SREBF1: variants seen among roughly 807,000 people sequenced by gnomAD.
SREBF1 encodes the protein sterol regulatory element-binding protein 1.
SREBF1 carries 45 observed loss-of-function variants against 100.1 expected under a neutral mutation model. The observed-to-expected ratio is 0.45, with a 90% CI of 0.35 to 0.58. SREBF1 has a LOEUF of 0.58. Among genes scored for constraint, SREBF1 ranks in the 20% least tolerant of loss-of-function variants. The pLI is 0.00. For synonymous variants in SREBF1, 657 were observed against 681.8 expected (o/e 0.96, Z 0.57); for missense variants, 1,324 against 1,539.4 (o/e 0.86, Z 2.34).
chr17:17,824,964 G>C lies in SREBF1; in HGVS notation c.92-4443C>G, dbSNP rs1346278719. 6.6e-6 allele frequency among the ~76,000 whole-genome samples: 1 copy of C among 152,086 alleles called. No individual in the cohort carries two copies. The highest frequency in any genetic ancestry group is 6.5e-5 in the Admixed American group (1 of 15,268). On this transcript the variant is annotated intron_variant, in intron 1 of 18. Transcript: ENST00000261646. This position sits in a 1 kb window ranked among gnomAD's most constrained non-coding sequence, Gnocchi z 4.2. ...CATGGCCCAACCCTCCCCTCAGCCC[G>C]CGGGTGTTCCCTCACCCCCAAAACA...
Position 17,815,303 on chromosome 17 carries a change from G to A in SREBF1, c.2410C>T (p.Leu804=), listed in dbSNP as rs1223672043. 1.2e-6 allele frequency: 2 copies of A among 1,613,626 alleles called. No homozygotes were observed. The highest frequency in any genetic ancestry group is 1.7e-6 in the Non-Finnish European group (2 of 1,179,968). ...PVDPLAQVTQ[L]FREHLLERAL... ...CGCTCTAAGAGATGTTCCCGGAATAGCTGAGTCACCTGGGCCAGGGGGTCC... is the reference window on the plus strand; with the variant it reads ...CGCTCTAAGAGATGTTCCCGGAATAACTGAGTCACCTGGGCCAGGGGGTCC... The change falls in exon 13 of 19, where the codon CTA becomes TTA. Residue 804 remains leucine (L), a synonymous_variant. Transcript: ENST00000261646.
In SREBF1 at chr17:17,812,427, C is replaced by T; in HGVS notation, c.*195G>A. 1 of 663,240 alleles carries T rather than the reference C, an allele frequency of 1.5e-6. No homozygotes were observed. The highest frequency in any genetic ancestry group is 1.9e-5 in the South Asian group (1 of 52,090). The allele number at this position is 663,240 out of a possible 1,614,324, so 41.1% of individuals were successfully genotyped here. ...ATCGGCCACCAGAGGTCAGCACCAT[C>T]ATGGCCGCCGGTCTTAGGGTCAAGA... On this transcript the variant is annotated 3_prime_UTR_variant, in exon 19 of 19. Transcript: ENST00000261646.
chr17:17,823,646 T>G lies in SREBF1; in HGVS notation c.92-3125A>C, dbSNP rs202244145. ...GCGGATTTTTGAAGCCGTTGAGCGC[T>G]GCGGCGCGCCCGCCCCGCCCCGCCC... is the stretch of plus-strand genomic sequence containing the variant. On this transcript the variant is annotated intron_variant, in intron 1 of 18. Transcript: ENST00000261646. The G allele has an allele frequency of 5.9e-5, 90 of 1,530,380 alleles. No homozygotes were observed. The South Asian group carries it at 7.6e-4, about 13-fold the overall frequency. 94.8% of individuals were successfully genotyped at this position (1,530,380 alleles called of 1,614,324 possible). A position where few individuals can be genotyped will look rare whatever the true frequency, so the allele number is the denominator to read the frequency against.
rs1039946949 is a variant in SREBF1, at chr17:17,824,279, G to C, written c.92-3758C>G. 6.6e-6 allele frequency among the ~76,000 whole-genome samples: 1 copy of C among 152,202 alleles called. No homozygotes were observed. The highest frequency in any genetic ancestry group is 6.5e-5 in the Admixed American group (1 of 15,278). On this transcript the variant is annotated intron_variant, in intron 1 of 18. Transcript: ENST00000261646. The surrounding 1 kb of genome is among the most constrained non-coding windows in gnomAD (Gnocchi z 4.2). The stretch of plus-strand genomic sequence containing the variant: ...CACCCCTCACCACAGCGGGGCTGAT[G>C]GTCTGGGATGAGGCCACTCCTGAAA...
Position 17,816,687 on chromosome 17 carries a change from C to T in SREBF1, c.1817G>A (p.Trp606Ter). 6.3e-7 allele frequency: 1 copy of T among 1,584,580 alleles called. No homozygotes were observed. The highest frequency in any genetic ancestry group is 8.6e-7 in the Non-Finnish European group (1 of 1,166,320). ...GDFAQAAQQL[W>*]LALRALGRPL... Reference sequence around the variant, plus strand: ...CCGGCCCAGTGCCCGCAGGGCCAGCCACAGCTGCTGGGCAGCCTGGGCAAA... The same window carrying T: ...CCGGCCCAGTGCCCGCAGGGCCAGCTACAGCTGCTGGGCAGCCTGGGCAAA... The change falls in exon 10 of 19, where the codon TGG (tryptophan) becomes TAG (stop). Residue 606 changes from tryptophan (W) to a stop codon, truncating the protein, a stop_gained. Transcript: ENST00000261646. LOFTEE classifies it high-confidence loss of function.
At chr17:17,822,565 C>T (rs1003270148) in intron 1 of SREBF1, among the ~76,000 whole-genome samples, 1 of 152,230 alleles carries the variant, frequency 6.6e-6, no homozygotes, top group Non-Finnish European at 1.5e-5. Flanking sequence ...TGGCTCAGCC[C>T]AGGGCCCTCT....
chr17:17,815,247 G>A lies in SREBF1; in HGVS notation c.2466C>T (p.Pro822=), dbSNP rs904688891. The A allele has an allele frequency of 1.9e-6, 3 of 1,613,530 alleles. No individual in the cohort carries two copies. The highest frequency in any genetic ancestry group is 2.5e-6 in the Non-Finnish European group (3 of 1,179,970). ...RALNCVTQPN[P]SPGSADGDKE... is the part of the protein sequence containing the mutation. Reference sequence around the variant, plus strand: ...TGTCCCCATCAGCTGACCCAGGGCTGGGGTTGGGCTGGGTCACACAGTTCA... The same window carrying A: ...TGTCCCCATCAGCTGACCCAGGGCTAGGGTTGGGCTGGGTCACACAGTTCA... The change falls in exon 13 of 19, where the codon CCC becomes CCT. Residue 822 remains proline, a synonymous_variant. Transcript: ENST00000261646.
intron 1 of SREBF1, chr17:17,823,607 C>G (rs748039234): frequency 6.2e-7 from 1 of 1,611,108 alleles, no homozygotes. Context: ...GCCGACTTCA[C>G]CTGTCAAGGC....
chr17:17,834,025 C>CAGAGAGAGAGAGAGAGAGAGAG (rs113396102), intron 1 of SREBF1, among the ~76,000 whole-genome samples: 52 of 147,604 alleles, frequency 3.5e-4, no homozygotes, highest in African/African-American at 1.2e-3. Flanking sequence ...CATATAAACA[C>CAGAGAGAGAGAGAGAGAGAGAG]ACAGAGAGAG....
Position 17,811,490 on chromosome 17 carries a change from A to G in SREBF1, c.*1132T>C, listed in dbSNP as rs1598104491. ...TGGATTCCGACCAGATTCAGCTGGGAGCCGGGCCAGGCTTTAGGTTGGGGA... is the reference window on the plus strand; with the variant it reads ...TGGATTCCGACCAGATTCAGCTGGGGGCCGGGCCAGGCTTTAGGTTGGGGA... On this transcript the variant is annotated 3_prime_UTR_variant, in exon 19 of 19. Coordinates refer to ENST00000261646, the MANE Select transcript of SREBF1 (RefSeq NM_004176.5). The G allele has an allele frequency of 1.4e-5, 3 of 214,210 alleles. No homozygotes were observed. The highest frequency in any genetic ancestry group is 3.6e-5 in the South Asian group (1 of 27,710). 13.3% of individuals were successfully genotyped at this position (214,210 alleles called of 1,614,324 possible).
At chr17:17,827,760 C>T (rs1425165003) in intron 1 of SREBF1, among the ~76,000 whole-genome samples, 2 of 152,180 alleles carry the variant, frequency 1.3e-5, no homozygotes, top group Admixed American at 1.3e-4. Context: ...CCCCATTCTG[C>T]GGCCCCAGAG....
At chr17:17,825,708 A>C (rs1310490008) in intron 1 of SREBF1, among the ~76,000 whole-genome samples, 1 of 150,904 alleles carries the variant, frequency 6.6e-6, no homozygotes, top group Admixed American at 6.6e-5. Context: ...CCCGGGTTCA[A>C]GTGACTCTCC....
intron 1 of SREBF1, among the ~76,000 whole-genome samples, chr17:17,833,399 C>T (rs185713815): frequency 0.051 from 5,976 of 118,126 alleles, 529 homozygotes; most frequent in African/African-American, 0.19. Context: ...CCAGCCTGGG[C>T]GACAGAGCAA....
intron 1 of SREBF1, chr17:17,820,744 C>T (rs1261844993): frequency 3.3e-6 from 2 of 606,070 alleles, no homozygotes; most frequent in Non-Finnish European, 6.0e-6. Flanking sequence ...CCTGCTGCTG[C>T]GAGTGCATCA....
chr17:17,817,997 G>A lies in SREBF1; in HGVS notation c.1184-81C>T. The stretch of plus-strand genomic sequence containing the variant: ...CAGAGCCTAGGCCCTTGGAGGCCTA[G>A]GGACTACTGTAGCTCCTAAAGCTAG... On this transcript the variant is annotated intron_variant, in intron 6 of 18. Coordinates refer to ENST00000261646, the MANE Select transcript of SREBF1 (RefSeq NM_004176.5). This position sits in a 1 kb window ranked among gnomAD's most constrained non-coding sequence, Gnocchi z 6.6. 2 of 1,422,968 alleles carry A rather than the reference G, an allele frequency of 1.4e-6. No homozygotes were observed. The highest frequency in any genetic ancestry group is 2.0e-6 in the Non-Finnish European group (2 of 1,020,176). The allele number at this position is 1,422,968 out of a possible 1,614,324, so 88.1% of individuals were successfully genotyped here.
rs2033292999 is a variant in SREBF1, at chr17:17,814,263, G to A, written c.2883C>T (p.Ala961=). The change falls in exon 16 of 19, where the codon GCC becomes GCT. Residue 961 remains alanine, a synonymous_variant. Transcript: ENST00000261646. Reference sequence around the variant, plus strand: ...CCCTCACCTTGTCAATGGAGCTGCTGGCTGGTGTGGTAGCCAGGCTGTCCT... The same window carrying A: ...CCCTCACCTTGTCAATGGAGCTGCTAGCTGGTGTGGTAGCCAGGCTGTCCT... The part of the protein sequence containing the change: ...YLQDSLATTP[A]SSSIDKAVQL... The A allele has an allele frequency of 1.2e-6, 2 of 1,605,622 alleles. No individual in the cohort carries two copies. The highest frequency in any genetic ancestry group is 1.7e-6 in the Non-Finnish European group (2 of 1,177,232).
Position 17,815,292 on chromosome 17 carries a change from T to C in SREBF1, c.2421A>G (p.Glu807=). Residue 807 remains glutamate (E), a synonymous_variant, in exon 13 of 19, where the codon GAA becomes GAG. Coordinates refer to ENST00000261646, the MANE Select transcript of SREBF1 (RefSeq NM_004176.5). ...AGTTCAGTGCTCGCTCTAAGAGATG[T>C]TCCCGGAATAGCTGAGTCACCTGGG... ...PLAQVTQLFR[E]HLLERALNCV... 3 of 1,613,564 alleles carry C rather than the reference T, an allele frequency of 1.9e-6. No individual in the cohort carries two copies. The highest frequency in any genetic ancestry group is 2.5e-6 in the Non-Finnish European group (3 of 1,179,938).
chr17:17,825,420 A>C (rs2034425793), intron 1 of SREBF1, among the ~76,000 whole-genome samples: 1 of 151,898 alleles, frequency 6.6e-6, no homozygotes, highest in Non-Finnish European at 1.5e-5. Context: ...GGGGCCTTCC[A>C]AGAGGAGGGG....
At chr17:17,832,230 A>G (rs760177238) in intron 1 of SREBF1, among the ~76,000 whole-genome samples, 53 of 152,146 alleles carry the variant, frequency 3.5e-4, no homozygotes, top group Non-Finnish European at 6.8e-4. Context: ...CATCTTCATC[A>G]TATGTCTACC....
Sources: allele counts gnomAD v4.1 joint callset (sites outside exome capture counted in the v4.1 genomes callset), GRCh38; gene constraint gnomAD v4.1.1; non-coding constraint Gnocchi (gnomAD v3.1); transcripts MANE v1.5; gene names NCBI Gene and HGNC (gene_info 2026-07-23, HGNC 2026-07-21).